The following CAMSAP1 variants were observed in gnomAD, a reference collection of about 807,000 sequenced individuals.
CAMSAP1 encodes the protein calmodulin-regulated spectrin-associated protein 1.
In CAMSAP1, 58 loss-of-function variants were observed where a neutral mutation model predicts 143.5. The ratio of observed to expected loss-of-function variants is 0.40; its 90% confidence interval spans 0.33 to 0.50. The LOEUF is 0.50. CAMSAP1 is among the 20% of genes least tolerant of loss of function. The pLI, the probability that CAMSAP1 is intolerant of heterozygous loss-of-function variation, is 0.45. For missense variants in CAMSAP1, 1,969 were observed against 2,115.7 expected (o/e 0.93, Z 1.36); for synonymous variants, 945 against 859.3 (o/e 1.10, Z -1.74).
chr9:135,892,752 G>A (rs1838323548), intron 1 of CAMSAP1, among the ~76,000 whole-genome samples: 1 of 147,876 alleles, frequency 6.8e-6, no homozygotes, highest in Non-Finnish European at 1.5e-5. Context: ...TCGGGAGGCT[G>A]AGGCAGGAGA....
At position 135,820,713 on chromosome 9, in the gene CAMSAP1, A is replaced by G. The variant is rs1233813936; in HGVS notation, c.3822+126T>C. 3 of 1,267,440 alleles carry G rather than the reference A, an allele frequency of 2.4e-6. No homozygotes were observed. The African/African-American group carries it at 4.5e-5, about 19-fold the overall frequency. 78.5% of individuals were successfully genotyped at this position (1,267,440 alleles called of 1,614,324 possible). On this transcript the variant is annotated intron_variant, in intron 11 of 16. Coordinates refer to ENST00000389532, the MANE Select transcript of CAMSAP1 (RefSeq NM_015447.4). This position sits in a 1 kb window ranked among gnomAD's most constrained non-coding sequence, Gnocchi z 4.4. ...CTCTGTGGCCCACAAAGCTAAACAC[A>G]CACATCCCCTGGCCTCTTACAGGAG...
intron 1 of CAMSAP1, among the ~76,000 whole-genome samples, chr9:135,896,358 C>T (rs1239500131): frequency 6.6e-6 from 1 of 152,064 alleles, no homozygotes; most frequent in African/African-American, 2.4e-5. Context: ...TGAAAGTCCA[C>T]GCACCAAACT....
Position 135,821,504 on chromosome 9 carries a change from G to A in CAMSAP1, c.3157C>T (p.Pro1053Ser). The change falls in exon 11 of 17, where the codon CCC becomes TCC. Residue 1053 changes from proline (P) to serine (S), a missense_variant. Transcript: ENST00000389532. This position sits in a 1 kb window ranked among gnomAD's most constrained non-coding sequence, Gnocchi z 4.6. ...QQQEQLLMKSPTVPVPGSKNN... is the reference protein window; with the variant it reads ...QQQEQLLMKSSTVPVPGSKNN... Reference sequence around the variant, plus strand: ...TTAGAGCCTGGCACTGGGACTGTGGGGGACTTCATCAGAAGCTGCTCTTGC... The same window carrying A: ...TTAGAGCCTGGCACTGGGACTGTGGAGGACTTCATCAGAAGCTGCTCTTGC... The A allele has an allele frequency of 6.2e-7, 1 of 1,614,042 alleles. No individual in the cohort carries two copies. The highest frequency in any genetic ancestry group is 8.5e-7 in the Non-Finnish European group (1 of 1,179,904).
At chr9:135,868,656 C>T (rs1043876824) in intron 3 of CAMSAP1, among the ~76,000 whole-genome samples, 3 of 116,988 alleles carry the variant, frequency 2.6e-5, no homozygotes, top group African/African-American at 6.8e-5. Context: ...CTTGCTCTGT[C>T]GCCCAGGCTG....
At chr9:135,894,773 G>T (rs1440412287) in intron 1 of CAMSAP1, among the ~76,000 whole-genome samples, 1 of 152,210 alleles carries the variant, frequency 6.6e-6, no homozygotes, top group Non-Finnish European at 1.5e-5. Context: ...CATCAGAAAT[G>T]ACTTTAATCA....
rs774998548 is a variant in CAMSAP1, at chr9:135,821,391, G to A, written c.3270C>T (p.Ala1090=). Residue 1090 remains alanine (A), a synonymous_variant, in exon 11 of 17, where the codon GCC becomes GCT. Coordinates refer to ENST00000389532, the MANE Select transcript of CAMSAP1 (RefSeq NM_015447.4). The surrounding 1 kb of genome is among the most constrained non-coding windows in gnomAD (Gnocchi z 4.6). ...SPTGVAGHRK[A]PRLGQGRNSR... is the part of the protein sequence containing the mutation. ...AATTCCGGCCTTGACCCAGCCGGGG[G>A]GCTTTGCGGTGGCCAGCCACGCCCG... The A allele has an allele frequency of 8.7e-6, 14 of 1,613,760 alleles. No individual in the cohort carries two copies. The highest frequency in any genetic ancestry group is 1.2e-5 in the Non-Finnish European group (14 of 1,179,822).
intron 7 of CAMSAP1, among the ~76,000 whole-genome samples, chr9:135,839,192 T>G (rs1279676819): frequency 6.6e-6 from 1 of 152,194 alleles, no homozygotes; most frequent in Non-Finnish European, 1.5e-5. Flanking sequence ...CATACAAGCT[T>G]CTTCTCTCCC....
intron 1 of CAMSAP1, among the ~76,000 whole-genome samples, chr9:135,891,522 G>A (rs929776761): frequency 3.3e-5 from 5 of 152,160 alleles, no homozygotes; most frequent in East Asian, 3.8e-4. Context: ...ACAGCAAAAC[G>A]GACTCCTGGG....
At chr9:135,865,319 G>A (rs1463824124) in intron 4 of CAMSAP1, 2 of 1,550,394 alleles carry the variant, frequency 1.3e-6, no homozygotes, top group Non-Finnish European at 1.7e-6. Flanking sequence ...CTGGCGGCTT[G>A]GGGTTCACTT....
At chr9:135,812,157 C>T (rs1036013644) in intron 16 of CAMSAP1, among the ~76,000 whole-genome samples, 1 of 152,200 alleles carries the variant, frequency 6.6e-6, no homozygotes, top group Non-Finnish European at 1.5e-5. Context: ...TAAATAACAG[C>T]ACTATCCCTT....
At chr9:135,832,230 TG>T (rs896788475) in intron 7 of CAMSAP1, among the ~76,000 whole-genome samples, 10 of 152,320 alleles carry the variant, frequency 6.6e-5, no homozygotes, top group African/African-American at 1.9e-4. Context: ...CATGATTAAG[TG>T]GAATTCCTCC....
intron 7 of CAMSAP1, among the ~76,000 whole-genome samples, chr9:135,844,579 A>C (rs2131725815): frequency 6.6e-6 from 1 of 152,130 alleles, no homozygotes; most frequent in Non-Finnish European, 1.5e-5. Flanking sequence ...AAATGAATCC[A>C]GGAGCTGGTT....
At chr9:135,850,045 G>C (rs1836717502) in intron 7 of CAMSAP1, 92 bp downstream of exon 7, 1 of 1,035,316 alleles carries the variant, frequency 9.7e-7, no homozygotes, top group East Asian at 2.6e-5. Context: ...GAACTCTGCT[G>C]TGCGAGAAAC....
At chr9:135,865,314 G>A (rs934124157) in intron 4 of CAMSAP1, 84 of 1,550,288 alleles carry the variant, frequency 5.4e-5, no homozygotes, top group Admixed American at 3.5e-4. Context: ...GGCAGCTGGC[G>A]GCTTGGGGTT....
At chr9:135,827,298 A>T in intron 8 of CAMSAP1, 109 bp downstream of exon 8, 1 of 1,133,070 alleles carries the variant, frequency 8.8e-7, no homozygotes. Flanking sequence ...TTCATAAGCG[A>T]ATACAAATTG....
At chr9:135,843,308 C>A (rs1302995115) in intron 7 of CAMSAP1, among the ~76,000 whole-genome samples, 1 of 152,064 alleles carries the variant, frequency 6.6e-6, no homozygotes, top group African/African-American at 2.4e-5. Flanking sequence ...GCCTGGACAA[C>A]AAGAGCGAAA....
At chr9:135,895,294 T>A (rs962378086) in intron 1 of CAMSAP1, among the ~76,000 whole-genome samples, 1 of 152,182 alleles carries the variant, frequency 6.6e-6, no homozygotes, top group Non-Finnish European at 1.5e-5. Context: ...GGACACATCA[T>A]GACTAAACTT....
In CAMSAP1 at chr9:135,821,089, A is replaced by G; in HGVS notation, c.3572T>C (p.Leu1191Pro). The change falls in exon 11 of 17, where the codon CTT (leucine) becomes CCT (proline). Residue 1191 changes from leucine to proline, a missense_variant. Physicochemically the swap from Leu to Pro is moderately conservative, Grantham distance 98 (BLOSUM62 -3). Transcript: ENST00000389532. The surrounding 1 kb of genome is among the most constrained non-coding windows in gnomAD (Gnocchi z 4.6). ...TLSSSKDANI[L>P]SEQMSLKEVL... is the part of the protein sequence containing the mutation. Reference sequence around the variant, plus strand: ...TTCTTTGAGGCTCATCTGCTCCGAAAGAATGTTGGCATCTTTGGAAGAGGA... The same window carrying G: ...TTCTTTGAGGCTCATCTGCTCCGAAGGAATGTTGGCATCTTTGGAAGAGGA... 6.2e-7 allele frequency: 1 copy of G among 1,613,984 alleles called. No individual in the cohort carries two copies. The highest frequency in any genetic ancestry group is 1.6e-4 in the Middle Eastern group (1 of 6,062).
At position 135,907,043 on chromosome 9, in the gene CAMSAP1, G is replaced by A. The variant is rs1312019724; in HGVS notation, c.117C>T (p.Ile39=). The A allele has an allele frequency of 4.2e-6, 5 of 1,204,554 alleles. No individual in the cohort carries two copies. The highest frequency in any genetic ancestry group is 4.2e-6 in the Non-Finnish European group (4 of 957,774). The allele number at this position is 1,204,554 out of a possible 1,614,324, so 74.6% of individuals were successfully genotyped here. A position where few individuals can be genotyped will look rare whatever the true frequency, so the allele number is the denominator to read the frequency against. Residue 39 remains isoleucine, a synonymous_variant, in exon 1 of 17, where the codon ATC becomes ATT. Transcript: ENST00000389532. ...LDRYDAARAK[I]AANLQWICAK... Reference sequence around the variant, plus strand: ...CGCAGATCCACTGCAGGTTGGCGGCGATCTTGGCGCGCGCCGCGTCGTAGC... The same window carrying A: ...CGCAGATCCACTGCAGGTTGGCGGCAATCTTGGCGCGCGCCGCGTCGTAGC...
Sources: gnomAD v4.1 joint callset for allele counts (sites outside exome capture counted in the v4.1 genomes callset) on GRCh38, gnomAD v4.1.1 for gene constraint, Gnocchi (gnomAD v3.1) non-coding constraint, MANE v1.5 for transcripts, NCBI Gene and HGNC (gene_info 2026-07-23, HGNC 2026-07-21) for gene names.